RANBP17: variants seen among roughly 807,000 people sequenced by gnomAD.
RANBP17 encodes the protein RAN binding protein 17.
In RANBP17, 158 loss-of-function variants were observed where a neutral mutation model predicts 141.2. The ratio of observed to expected loss-of-function variants is 1.12; its 90% CI spans 0.98 to 1.28. RANBP17 has a LOEUF of 1.28. Among genes scored for constraint, RANBP17 ranks in the 50% most tolerant of loss-of-function variants. RANBP17 has a pLI of 0.00. For synonymous variants in RANBP17, 430 were observed against 450.0 expected, an observed-to-expected ratio of 0.96 and a Z score of 0.56; for missense variants, 1,438 against 1,290.7, an observed-to-expected ratio of 1.11 and a Z score of -1.75.
At chr5:170,979,330 AAAT>A (rs1777603980) in intron 14 of RANBP17, among the ~76,000 whole-genome samples, 1 of 152,234 alleles carries the variant, frequency 6.6e-6, no homozygotes, top group African/African-American at 2.4e-5. Flanking sequence ...TTTGCAAAAG[AAAT>A]AATTATAAGA....
chr5:171,149,068 T>C (rs560414868), intron 14 of RANBP17, among the ~76,000 whole-genome samples: 30 of 152,222 alleles, frequency 2.0e-4, no homozygotes, highest in Non-Finnish European at 4.0e-4. Context: ...CCATAGGTTC[T>C]GTAGCTACCA....
intron 14 of RANBP17, among the ~76,000 whole-genome samples, chr5:171,093,446 C>A (rs1206272350): frequency 6.6e-6 from 1 of 151,924 alleles, no homozygotes; most frequent in Non-Finnish European, 1.5e-5. Context: ...AAAAAAAAAT[C>A]AGTTTCTTTG....
chr5:171,212,470 G>C (rs1386258890), intron 20 of RANBP17, among the ~76,000 whole-genome samples: 1 of 152,208 alleles, frequency 6.6e-6, no homozygotes, highest in Non-Finnish European at 1.5e-5. Flanking sequence ...GCTGGCATTA[G>C]TGGTTTTGCA....
At chr5:171,010,711 G>A (rs557181184) in intron 14 of RANBP17, among the ~76,000 whole-genome samples, 25 of 152,286 alleles carry the variant, frequency 1.6e-4, no homozygotes, top group African/African-American at 6.0e-4. Context: ...TATCAGGAAT[G>A]AAAGAGGGTA....
chr5:171,230,307 G>C (rs777063151), intron 22 of RANBP17, among the ~76,000 whole-genome samples: 1 of 152,152 alleles, frequency 6.6e-6, no homozygotes, highest in Non-Finnish European at 1.5e-5. Flanking sequence ...ATTTAAAGAA[G>C]AGAATAGATT....
At chr5:171,057,012 A>G (rs1007967023) in intron 14 of RANBP17, among the ~76,000 whole-genome samples, 3 of 152,288 alleles carry the variant, frequency 2.0e-5, no homozygotes, top group South Asian at 2.1e-4. Context: ...TTAGTGCACT[A>G]TTGATGTCAA....
intron 14 of RANBP17, among the ~76,000 whole-genome samples, chr5:171,142,144 T>C (rs962459433): frequency 1.3e-5 from 2 of 152,060 alleles, no homozygotes; most frequent in Admixed American, 1.3e-4. Flanking sequence ...CGGGCATGAG[T>C]TTACTTTTGG....
chr5:171,130,761 A>T (rs2127789009), intron 14 of RANBP17, among the ~76,000 whole-genome samples: 2 of 152,240 alleles, frequency 1.3e-5, no homozygotes, highest in East Asian at 3.9e-4. Flanking sequence ...GGTGCTTTTT[A>T]TTAAGAAGTA....
At chr5:170,941,486 G>GA (rs776579674) in intron 12 of RANBP17, among the ~76,000 whole-genome samples, 3 of 152,044 alleles carry the variant, frequency 2.0e-5, no homozygotes, top group Non-Finnish European at 4.4e-5. Flanking sequence ...TAAATTTCTA[G>GA]AAAAAATACT....
intron 22 of RANBP17, among the ~76,000 whole-genome samples, chr5:171,227,596 A>C (rs535322050): frequency 6.6e-6 from 1 of 152,238 alleles, no homozygotes; most frequent in Non-Finnish European, 1.5e-5. Flanking sequence ...GCTAAGATTC[A>C]TTTTGATGAA....
intron 14 of RANBP17, among the ~76,000 whole-genome samples, chr5:171,009,863 G>T (rs1779910211): frequency 1.3e-5 from 2 of 152,276 alleles, no homozygotes; most frequent in African/African-American, 4.8e-5. Flanking sequence ...TCAAAAGTAG[G>T]TAGGAATTGG....
chr5:170,909,841 A>G (rs931012820), intron 6 of RANBP17, 76 bp downstream of exon 6: 1 of 806,156 alleles, frequency 1.2e-6, no homozygotes, highest in African/African-American at 1.7e-5. Context: ...ATTTCAGTTG[A>G]ATTTTCCCCC....
intron 24 of RANBP17, among the ~76,000 whole-genome samples, chr5:171,249,565 T>TTAAA (rs777382959): frequency 3.3e-5 from 5 of 152,128 alleles, no homozygotes; most frequent in South Asian, 4.1e-4. Flanking sequence ...CCAAAGAGAT[T>TTAAA]TAAATAAATA....
Position 170,932,709 on chromosome 5 carries a change from A to G in RANBP17, c.1468+8159A>G, listed in dbSNP as rs367693814. Among the ~76,000 whole-genome samples, 219 of 152,174 alleles carry G rather than the reference A, an allele frequency of 1.4e-3. 4 individuals are homozygous for G. In the East Asian group the frequency reaches 0.037, roughly 26 times the overall value. ...TGGCTCTGTTTATATGCTGGATTAC[A>G]TTTATTGATTTGCATATGTTGAACC... On this transcript the variant is annotated intron_variant, in intron 12 of 27. Transcript: ENST00000523189.
chr5:171,295,878 TCCCATCAGTATTTCAGTGAA>T lies in RANBP17; in HGVS notation c.3043-7_3055del. Reference sequence around the variant, plus strand: ...GTCGGAGCTCTGACACTATTCTGTCTCCCATCAGTATTTCAGTGAACTGAGAGCAAGTTTGATAAACAGCC... The same window carrying T: ...GTCGGAGCTCTGACACTATTCTGTCTCTGAGAGCAAGTTTGATAAACAGCC... On this transcript the variant is annotated splice_acceptor_variant and splice_polypyrimidine_tract_variant and coding_sequence_variant and intron_variant, in exon 27 of 28. Coordinates refer to ENST00000523189, the MANE Select transcript of RANBP17 (RefSeq NM_022897.5). LOFTEE classifies it high-confidence loss of function. The T allele has an allele frequency of 6.2e-7, 1 of 1,612,276 alleles. No individual in the cohort carries two copies.
chr5:171,261,088 C>A (rs1044380034), intron 24 of RANBP17, among the ~76,000 whole-genome samples: 4 of 59,258 alleles, frequency 6.8e-5, no homozygotes, highest in Non-Finnish European at 1.0e-4. Flanking sequence ...CCCCACCCCC[C>A]CCAAAAAAAA....
intron 12 of RANBP17, among the ~76,000 whole-genome samples, chr5:170,928,468 A>G (rs192064394): frequency 4.3e-4 from 66 of 152,152 alleles, no homozygotes; most frequent in African/African-American, 1.3e-3. Flanking sequence ...AGTTTCAGCT[A>G]TTATATTGAG....
At chr5:171,047,030 T>TG (rs1486387396) in intron 14 of RANBP17, among the ~76,000 whole-genome samples, 4 of 148,114 alleles carry the variant, frequency 2.7e-5, no homozygotes, top group Non-Finnish European at 6.0e-5. Flanking sequence ...TTTTTTTTTT[T>TG]TTTTGAGATG....
chr5:170,927,487 T>A (rs972649838), intron 12 of RANBP17, among the ~76,000 whole-genome samples: 1 of 152,094 alleles, frequency 6.6e-6, no homozygotes. Flanking sequence ...GTGCATTGTT[T>A]AAATTTACAT....
Sources: allele counts gnomAD v4.1 joint callset (sites outside exome capture counted in the v4.1 genomes callset), GRCh38; gene constraint gnomAD v4.1.1; transcripts MANE v1.5; gene names NCBI Gene and HGNC (gene_info 2026-07-23, HGNC 2026-07-21).